The following UBAP1 variants were observed in gnomAD, a reference collection of about 807,000 sequenced individuals.
UBAP1 encodes the protein ubiquitin associated protein 1.
A neutral mutation model predicts 39.0 loss-of-function variants in UBAP1; 5 were observed. The observed-to-expected ratio is 0.13, with a 90% CI of 0.07 to 0.27. The LOEUF is 0.27. UBAP1 is among the 10% of genes least tolerant of loss of function. The pLI is 1.00. For synonymous variants in UBAP1, 211 were observed against 225.1 expected (o/e 0.94, Z 0.56); for missense variants, 490 against 608.1 (o/e 0.81, Z 2.04).
intron 1 of UBAP1, among the ~76,000 whole-genome samples, chr9:34,194,088 G>A (rs1830885656): frequency 6.6e-6 from 1 of 152,146 alleles, no homozygotes; most frequent in Non-Finnish European, 1.5e-5. Context: ...ACCAATATAT[G>A]TCATAACACT....
At chr9:34,189,977 G>A (rs754992025) in intron 1 of UBAP1, among the ~76,000 whole-genome samples, 7 of 152,040 alleles carry the variant, frequency 4.6e-5, no homozygotes, top group Non-Finnish European at 8.8e-5. Context: ...TTATATTTCC[G>A]AGATATTCTA....
chr9:34,214,957 A>G (rs553743454), intron 1 of UBAP1, among the ~76,000 whole-genome samples: 1 of 152,294 alleles, frequency 6.6e-6, no homozygotes, highest in East Asian at 1.9e-4. Context: ...AATGGCCATA[A>G]TAAAAAAATA....
At chr9:34,183,596 TAAAA>T (rs1212511048) in intron 1 of UBAP1, among the ~76,000 whole-genome samples, 1 of 148,776 alleles carries the variant, frequency 6.7e-6, no homozygotes. Context: ...TTCTAACAAT[TAAAA>T]AAAAAGAAAA....
chr9:34,240,230 A>T (rs1388053708), intron 3 of UBAP1, among the ~76,000 whole-genome samples: 1 of 152,188 alleles, frequency 6.6e-6, no homozygotes, highest in Non-Finnish European at 1.5e-5. Context: ...CTGGCTCAGG[A>T]TGTAAAGTAA....
chr9:34,188,093 C>G (rs1830505058), intron 1 of UBAP1, among the ~76,000 whole-genome samples: 3 of 140,322 alleles, frequency 2.1e-5, no homozygotes, highest in South Asian at 2.4e-4. Flanking sequence ...TATAAAACAT[C>G]TGAGTAATTT....
chr9:34,208,694 C>T (rs993905717), intron 1 of UBAP1, among the ~76,000 whole-genome samples: 28 of 150,340 alleles, frequency 1.9e-4, no homozygotes, highest in African/African-American at 6.6e-4. Context: ...AGGTCAATGG[C>T]GTGAACCTGG....
In UBAP1 at chr9:34,225,025, G is replaced by C. The variant is rs72731284; in HGVS notation, c.34+4077G>C. ...TTCAGTGGCTAGCATCATAGAGATA[G>C]AGATTTTATATCTTTTGGTCAAGGC... On this transcript the variant is annotated intron_variant, in intron 2 of 6. Transcript: ENST00000297661. 6.0e-4 allele frequency among the ~76,000 whole-genome samples: 92 copies of C among 152,310 alleles called. 1 individual carries two copies. Among genetic ancestry groups the C allele is most frequent in the Admixed American group, 1.4e-3 (21 of 15,294 alleles).
At chr9:34,250,455 T>C (rs996025315) in intron 5 of UBAP1, among the ~76,000 whole-genome samples, 2 of 152,184 alleles carry the variant, frequency 1.3e-5, no homozygotes, top group Non-Finnish European at 2.9e-5. Context: ...TGCTCCTGTT[T>C]AGAAGGCTGT....
At chr9:34,228,397 G>A (rs1354154054) in intron 2 of UBAP1, among the ~76,000 whole-genome samples, 1 of 141,570 alleles carries the variant, frequency 7.1e-6, no homozygotes, top group Non-Finnish European at 1.5e-5. Context: ...CAGCCTGGGC[G>A]ACAGTGCGAG....
chr9:34,203,825 C>T (rs1439360261), intron 1 of UBAP1, among the ~76,000 whole-genome samples: 1 of 152,076 alleles, frequency 6.6e-6, no homozygotes, highest in Non-Finnish European at 1.5e-5. Flanking sequence ...CTACAGTGTT[C>T]CCCTGGGGAT....
intron 4 of UBAP1, among the ~76,000 whole-genome samples, chr9:34,246,459 C>G (rs1834183597): frequency 6.6e-6 from 1 of 152,208 alleles, no homozygotes. Flanking sequence ...TTTGAAAATT[C>G]TAATGGACTT....
At chr9:34,185,934 G>A (rs1830384953) in intron 1 of UBAP1, among the ~76,000 whole-genome samples, 1 of 152,198 alleles carries the variant, frequency 6.6e-6, no homozygotes, top group East Asian at 1.9e-4. Flanking sequence ...TTTATGTATT[G>A]AGGAAACAGG....
In UBAP1 at chr9:34,241,972, A is replaced by G. The variant is rs771020945; in HGVS notation, c.947A>G (p.His316Arg). The change falls in exon 4 of 7, where the codon CAT becomes CGT. Residue 316 changes from histidine to arginine, a missense_variant. His to Arg is a conservative substitution (Grantham distance 29, BLOSUM62 0). Around this residue, in one of 3 missense-constraint regions of UBAP1, gnomAD observed 339 missense variants for 390.0 expected, o/e 0.87. Coordinates refer to ENST00000297661, the MANE Select transcript of UBAP1 (RefSeq NM_016525.5). ...TQSSASELNG[H>R]HTLGLSALNL... Reference sequence around the variant, plus strand: ...AGCAGTGCCAGTGAGCTCAATGGGCATCACACTCTTGGGCTTTCAGCTTTG... The same window carrying G: ...AGCAGTGCCAGTGAGCTCAATGGGCGTCACACTCTTGGGCTTTCAGCTTTG... The G allele has an allele frequency of 1.9e-6, 3 of 1,614,182 alleles. No homozygotes were observed. Among genetic ancestry groups the G allele is most frequent in the East Asian group, 2.2e-5 (1 of 44,880 alleles).
chr9:34,181,408 G>T (rs1003641052), intron 1 of UBAP1, among the ~76,000 whole-genome samples: 23 of 149,374 alleles, frequency 1.5e-4, no homozygotes, highest in African/African-American at 4.7e-4. Context: ...GAGCCACCGC[G>T]CCCGGCCTTT....
chr9:34,231,939 C>A (rs1833445916), intron 2 of UBAP1, among the ~76,000 whole-genome samples: 1 of 151,664 alleles, frequency 6.6e-6, no homozygotes, highest in African/African-American at 2.4e-5. Context: ...CCGGGACACT[C>A]AAATTCTTGC....
intron 3 of UBAP1, among the ~76,000 whole-genome samples, chr9:34,237,983 C>T (rs781742901): frequency 2.6e-5 from 4 of 152,116 alleles, no homozygotes; most frequent in Non-Finnish European, 5.9e-5. Context: ...CAAAAGGAAA[C>T]CCAGTGTCCA....
At chr9:34,202,868 G>C (rs1173418730) in intron 1 of UBAP1, among the ~76,000 whole-genome samples, 1 of 151,882 alleles carries the variant, frequency 6.6e-6, no homozygotes, top group African/African-American at 2.4e-5. Flanking sequence ...CCTACCTATA[G>C]AAAATGAACT....
At chr9:34,216,006 A>C (rs1832292212) in intron 1 of UBAP1, among the ~76,000 whole-genome samples, 1 of 152,148 alleles carries the variant, frequency 6.6e-6, no homozygotes, top group African/African-American at 2.4e-5. Context: ...AAAAAATTTT[A>C]CATTATTTAC....
At chr9:34,207,053 T>TC (rs1392503078) in intron 1 of UBAP1, among the ~76,000 whole-genome samples, 10 of 142,082 alleles carry the variant, frequency 7.0e-5, no homozygotes, top group African/African-American at 2.1e-4. Flanking sequence ...TATTTCTTTT[T>TC]TTTTTTTTTT....
Sources: gnomAD v4.1 joint callset for allele counts (sites outside exome capture counted in the v4.1 genomes callset) on GRCh38, gnomAD v4.1.1 for gene constraint, gnomAD v4.1.1 regional missense constraint, MANE v1.5 for transcripts, NCBI Gene and HGNC (gene_info 2026-07-23, HGNC 2026-07-21) for gene names.